CD1B: variants seen among roughly 807,000 people sequenced by gnomAD.
CD1B encodes T-cell surface glycoprotein CD1b.
In CD1B, 43 loss-of-function variants were observed where a neutral mutation model predicts 39.8. That is an observed-to-expected ratio of 1.08 (90% confidence interval 0.85 to 1.39). The LOEUF is 1.39. Ranked by LOEUF, CD1B falls within the 40% of genes most tolerant of loss-of-function variation. CD1B has a pLI of 0.00. For missense variants in CD1B, 495 were observed against 403.8 expected, an observed-to-expected ratio of 1.23 and a Z score of -1.94; for synonymous variants, 192 against 152.5, an observed-to-expected ratio of 1.26 and a Z score of -1.91.
At chr1:158,309,364 C>T in the CD1B span, among the ~76,000 whole-genome samples, 1 of 152,122 alleles carries the variant, frequency 6.6e-6, no homozygotes. Flanking sequence ...GAAATAGGAA[C>T]ACTTTTACAC....
At chr1:158,298,528 G>A in the CD1B span, among the ~76,000 whole-genome samples, 2 of 152,176 alleles carry the variant, frequency 1.3e-5, no homozygotes, top group African/African-American at 4.8e-5. Flanking sequence ...TGAAAGATCA[G>A]GTAGTTTTTC....
chr1:158,303,954 G>T, the CD1B span, among the ~76,000 whole-genome samples: 1 of 151,934 alleles, frequency 6.6e-6, no homozygotes, highest in Non-Finnish European at 1.5e-5. Flanking sequence ...AAAAGAGTCT[G>T]GGGGGTGCAA....
chr1:158,299,666 C>T, the CD1B span, among the ~76,000 whole-genome samples: 619 of 152,268 alleles, frequency 4.1e-3, 4 homozygotes, highest in Middle Eastern at 0.034. Context: ...ATTTCAGAGC[C>T]TGTTATTGGT....
the CD1B span, among the ~76,000 whole-genome samples, chr1:158,307,306 C>T: frequency 2.6e-5 from 4 of 152,166 alleles, no homozygotes; most frequent in East Asian, 7.7e-4. Context: ...CTATAAATAC[C>T]TCTACGCAAA....
chr1:158,306,841 A>C, the CD1B span, among the ~76,000 whole-genome samples: 22 of 152,326 alleles, frequency 1.4e-4, no homozygotes, highest in African/African-American at 4.8e-4. Flanking sequence ...CTGGGTACAT[A>C]ATGAAATGAA....
chr1:158,317,858 TTG>T, the CD1B span, among the ~76,000 whole-genome samples: 1 of 152,204 alleles, frequency 6.6e-6, no homozygotes, highest in Admixed American at 6.5e-5. Flanking sequence ...TTCTGGTATG[TTG>T]TGTGTTTGTT....
chr1:158,315,903 A>G, the CD1B span, among the ~76,000 whole-genome samples: 1 of 152,050 alleles, frequency 6.6e-6, no homozygotes, highest in African/African-American at 2.4e-5. Context: ...AGCACCATTT[A>G]TTAAATGGGG....
At chr1:158,319,435 C>T in the CD1B span, among the ~76,000 whole-genome samples, 1 of 152,204 alleles carries the variant, frequency 6.6e-6, no homozygotes, top group East Asian at 1.9e-4. Context: ...CAATGATACC[C>T]TTTCTTCCAG....
the CD1B span, among the ~76,000 whole-genome samples, chr1:158,289,043 A>G: frequency 1.3e-5 from 2 of 152,204 alleles, no homozygotes; most frequent in Non-Finnish European, 2.9e-5. Flanking sequence ...CAGAATTTTC[A>G]GTATTTAGTT....
At chr1:158,322,580 C>T in the CD1B span, among the ~76,000 whole-genome samples, 1 of 152,020 alleles carries the variant, frequency 6.6e-6, no homozygotes, top group African/African-American at 2.4e-5. Context: ...TGTATACTTA[C>T]CTTTACCAGT....
the CD1B span, chr1:158,289,893 T>C: frequency 3.5e-6 from 2 of 575,466 alleles, no homozygotes; most frequent in Non-Finnish European, 6.2e-6. Flanking sequence ...AAATGAGAGA[T>C]TGAGTAGGAG....
chr1:158,324,985 T>C (rs1422813980), downstream of CD1B, among the ~76,000 whole-genome samples: 1 of 151,980 alleles, frequency 6.6e-6, no homozygotes, highest in Non-Finnish European at 1.5e-5. Context: ...GAGTATACAA[T>C]TATGCAAAAA....
the CD1B span, among the ~76,000 whole-genome samples, chr1:158,293,893 A>G: frequency 6.6e-6 from 1 of 152,186 alleles, no homozygotes; most frequent in African/African-American, 2.4e-5. Context: ...ACAAAACATC[A>G]TATCTAAGTT....
downstream of CD1B, among the ~76,000 whole-genome samples, chr1:158,327,134 G>T (rs1456142479): frequency 2.0e-5 from 3 of 152,174 alleles, no homozygotes; most frequent in African/African-American, 7.2e-5. Flanking sequence ...GCGCTGGCTG[G>T]TCCATTTTAC....
At chr1:158,293,126 C>A in the CD1B span, 1 of 1,083,442 alleles carries the variant, frequency 9.2e-7, no homozygotes, top group Non-Finnish European at 1.4e-6. Flanking sequence ...TCATCCAATG[C>A]ATATGTTAAG....
chr1:158,318,154 A>G, the CD1B span, among the ~76,000 whole-genome samples: 24 of 152,134 alleles, frequency 1.6e-4, no homozygotes, highest in Admixed American at 1.6e-3. Context: ...TTTGGGGTGG[A>G]GAGTTCTGTA....
the CD1B span, among the ~76,000 whole-genome samples, chr1:158,310,011 A>G: frequency 6.6e-6 from 1 of 152,098 alleles, no homozygotes; most frequent in Non-Finnish European, 1.5e-5. Context: ...GAACACCCAA[A>G]GCAATCTTAA....
chr1:158,319,159 G>T, the CD1B span, among the ~76,000 whole-genome samples: 1 of 150,886 alleles, frequency 6.6e-6, no homozygotes, highest in Non-Finnish European at 1.5e-5. Context: ...TGCTCTTCTC[G>T]AGGAGTATCT....
At chr1:158,300,073 G>T in the CD1B span, among the ~76,000 whole-genome samples, 1 of 152,066 alleles carries the variant, frequency 6.6e-6, no homozygotes, top group African/African-American at 2.4e-5. Flanking sequence ...CTTTTAATGT[G>T]ATGTTAGGTG....
Sources: allele counts gnomAD v4.1 joint callset (sites outside exome capture counted in the v4.1 genomes callset), GRCh38; gene constraint gnomAD v4.1.1; transcripts MANE v1.5; gene names NCBI Gene and HGNC (gene_info 2026-07-23, HGNC 2026-07-21).